The following GOLGA4 variants were observed in gnomAD, a reference collection of about 807,000 sequenced individuals.
GOLGA4 encodes the protein golgin A4.
In GOLGA4, 169 loss-of-function variants were observed where a neutral mutation model predicts 265.9. That is an observed-to-expected ratio of 0.64 (90% CI 0.56 to 0.72). The LOEUF (loss-of-function observed/expected upper bound fraction) is 0.72. GOLGA4 is among the 30% of genes least tolerant of loss of function. The pLI is 0.00. For missense variants in GOLGA4, 2,482 were observed against 2,483.4 expected, an observed-to-expected ratio of 1.00 and a Z score of 0.01; for synonymous variants, 923 against 855.8, an observed-to-expected ratio of 1.08 and a Z score of -1.37.
chr3:37,278,922 C>T (rs529966670), intron 2 of GOLGA4, among the ~76,000 whole-genome samples: 1 of 151,944 alleles, frequency 6.6e-6, no homozygotes, highest in African/African-American at 2.4e-5. Flanking sequence ...AAGCAGTCCT[C>T]CCACCTCAGC....
At chr3:37,359,590 G>A (rs1223165600) in intron 22 of GOLGA4, among the ~76,000 whole-genome samples, 1 of 151,600 alleles carries the variant, frequency 6.6e-6, no homozygotes, top group Non-Finnish European at 1.5e-5. Flanking sequence ...TTTTTCAATT[G>A]CTCTTCTGTT....
At chr3:37,334,222 AGG>A (rs1345932007) in intron 16 of GOLGA4, among the ~76,000 whole-genome samples, 1 of 152,218 alleles carries the variant, frequency 6.6e-6, no homozygotes, top group Non-Finnish European at 1.5e-5. Context: ...AAGACAAGAG[AGG>A]ACAATTTGTA....
chr3:37,297,420 A>G (rs1258221528), intron 7 of GOLGA4, among the ~76,000 whole-genome samples: 1 of 152,178 alleles, frequency 6.6e-6, no homozygotes, highest in Non-Finnish European at 1.5e-5. Context: ...CCTCTCAGAA[A>G]GAGATTAGAA....
chr3:37,327,001 A>G lies in GOLGA4; in HGVS notation c.5115A>G (p.Thr1705=), dbSNP rs1045621438. The part of the protein sequence containing the change: ...LKSVESSQSE[T]LIVPRSAKNV... ...CAGTGGAAAGTTCACAGTCAGAAAC[A>G]TTAATTGTACCCAGATCAGCAAAAA... The change falls in exon 14 of 24, where the codon ACA becomes ACG. Residue 1705 remains threonine (T), a synonymous_variant. Transcript: ENST00000361924. 6 of 1,613,838 alleles carry G rather than the reference A, an allele frequency of 3.7e-6. No homozygotes were observed. Among genetic ancestry groups the G allele is most frequent in the Admixed American group, 1.7e-5 (1 of 59,986 alleles).
intron 22 of GOLGA4, among the ~76,000 whole-genome samples, chr3:37,359,535 T>G (rs1279291796): frequency 2.0e-5 from 3 of 152,190 alleles, no homozygotes; most frequent in African/African-American, 7.2e-5. Context: ...TTCTCTTTGA[T>G]GGAGAAGGTT....
At position 37,315,505 on chromosome 3, in the gene GOLGA4, A is replaced by G; in HGVS notation, c.1320A>G (p.Gln440=). ...RRKLKAEMDE[Q]IKTIEKTSEE... ...AACTGAAGGCAGAAATGGATGAACA[A>G]ATAAAAACTATCGAAAAAACAAGTG... The change falls in exon 11 of 24, where the codon CAA becomes CAG. Residue 440 remains glutamine (Q), a synonymous_variant. Transcript: ENST00000361924. The G allele has an allele frequency of 6.2e-7, 1 of 1,614,064 alleles. No individual in the cohort carries two copies. Among genetic ancestry groups the G allele is most frequent in the Non-Finnish European group, 8.5e-7 (1 of 1,179,932 alleles).
At chr3:37,256,608 ATCTG>A (rs1363743962) in intron 2 of GOLGA4, among the ~76,000 whole-genome samples, 2 of 152,154 alleles carry the variant, frequency 1.3e-5, no homozygotes, top group Non-Finnish European at 2.9e-5. Flanking sequence ...CAAATGGCAG[ATCTG>A]TCTATTTGAT....
rs527245197 is a variant in GOLGA4, at chr3:37,245,878, T to G, written c.72+2256T>G. ...TGCGCCTGGCCATTCGTGGTCTACT[T>G]TTGATAATTATTTTGTAACCTTTCT... On this transcript the variant is annotated intron_variant, in intron 1 of 23. Transcript: ENST00000361924. Among the ~76,000 whole-genome samples, 12 of 152,200 alleles carry G rather than the reference T, an allele frequency of 7.9e-5. No homozygotes were observed. In the South Asian group the frequency reaches 2.3e-3, roughly 29 times the overall value.
chr3:37,290,237 A>T (rs930510972), intron 5 of GOLGA4, among the ~76,000 whole-genome samples: 1 of 152,180 alleles, frequency 6.6e-6, no homozygotes, highest in Non-Finnish European at 1.5e-5. Context: ...GGGAGTATAG[A>T]TTAGGATGAT....
At chr3:37,364,303 C>T (rs1043125580) in intron 23 of GOLGA4, among the ~76,000 whole-genome samples, 1 of 151,472 alleles carries the variant, frequency 6.6e-6, no homozygotes, top group African/African-American at 2.4e-5. Flanking sequence ...TGCAGTGGCG[C>T]AATCTCGGCT....
chr3:37,256,235 A>G (rs1316977818), intron 2 of GOLGA4, among the ~76,000 whole-genome samples: 2 of 152,078 alleles, frequency 1.3e-5, no homozygotes, highest in Non-Finnish European at 2.9e-5. Context: ...ACACTGTCTT[A>G]ATGAGTATCG....
At chr3:37,248,039 C>T (rs556495530) in intron 1 of GOLGA4, among the ~76,000 whole-genome samples, 15 of 152,236 alleles carry the variant, frequency 9.9e-5, no homozygotes, top group African/African-American at 3.6e-4. Context: ...ATCCCTTTGC[C>T]CTGTAATATA....
At chr3:37,291,064 A>G (rs1451789573) in intron 5 of GOLGA4, among the ~76,000 whole-genome samples, 2 of 152,178 alleles carry the variant, frequency 1.3e-5, no homozygotes, top group African/African-American at 4.8e-5. Flanking sequence ...CCCATGTTTT[A>G]TACAGTTAAT....
chr3:37,321,921 G>A, intron 13 of GOLGA4, 35 bp downstream of exon 13: 1 of 1,532,798 alleles, frequency 6.5e-7, no homozygotes, highest in Non-Finnish European at 8.8e-7. Context: ...CTGGAGTTGT[G>A]AAATTATTTG....
intron 21 of GOLGA4, 36 bp from the exon 22 acceptor site, chr3:37,355,065 C>T: frequency 1.7e-6 from 2 of 1,176,596 alleles, no homozygotes; most frequent in Non-Finnish European, 2.6e-6. Context: ...ATATGCTTCA[C>T]TGTCTGTTAG....
intron 17 of GOLGA4, among the ~76,000 whole-genome samples, chr3:37,336,236 A>G: frequency 6.6e-6 from 1 of 151,992 alleles, no homozygotes; most frequent in Non-Finnish European, 1.5e-5. Context: ...TTTTTTTGCC[A>G]TTTAGTCATG....
At chr3:37,295,164 GT>G (rs2096874891) in intron 6 of GOLGA4, 87 bp downstream of exon 6, 1 of 703,210 alleles carries the variant, frequency 1.4e-6, no homozygotes. Context: ...GGTTGCAAAA[GT>G]TTTTTCTTTT....
Position 37,326,005 on chromosome 3 carries a change from T to TA in GOLGA4, c.4122dup (p.Gln1375ThrfsTer4). ...AAAAAGTTGAGATTAGCAGTCTTAG[T>TA]AAACAACTAACTGATTTGAATGTTC... On this transcript the variant is annotated frameshift_variant, in exon 14 of 24. Coordinates refer to ENST00000361924, the MANE Select transcript of GOLGA4 (RefSeq NM_002078.5). LOFTEE classifies it high-confidence loss of function. 6.2e-7 allele frequency: 1 copy of TA among 1,613,406 alleles called. No individual in the cohort carries two copies. Among genetic ancestry groups the TA allele is most frequent in the Non-Finnish European group, 8.5e-7 (1 of 1,179,580 alleles).
chr3:37,274,427 C>T (rs1578444348), intron 2 of GOLGA4, among the ~76,000 whole-genome samples: 2 of 152,166 alleles, frequency 1.3e-5, no homozygotes, highest in African/African-American at 4.8e-5. Flanking sequence ...CGCAGTGGCT[C>T]ATGCCTGTTA....
Sources: allele counts gnomAD v4.1 joint callset (sites outside exome capture counted in the v4.1 genomes callset), GRCh38; gene constraint gnomAD v4.1.1; transcripts MANE v1.5; gene names NCBI Gene and HGNC (gene_info 2026-07-23, HGNC 2026-07-21).